RERE: variants seen among roughly 807,000 people sequenced by gnomAD.
The protein encoded by RERE is arginine-glutamic acid dipeptide repeats.
In RERE, 40 loss-of-function variants were observed where a neutral mutation model predicts 146.1. The observed-to-expected ratio is 0.27, with a 90% confidence interval of 0.21 to 0.36. The LOEUF (loss-of-function observed/expected upper bound fraction) is 0.36. Among genes scored for constraint, RERE ranks in the 10% least tolerant of loss-of-function variants. The pLI, the probability that RERE is intolerant of heterozygous loss-of-function variation, is 1.00. For missense variants in RERE, 1,933 were observed against 2,138.7 expected (o/e 0.90, Z 1.90); for synonymous variants, 1,003 against 866.0 (o/e 1.16, Z -2.78).
intron 4 of RERE, among the ~76,000 whole-genome samples, chr1:8,614,157 A>G (rs1200174797): frequency 1.3e-5 from 2 of 152,184 alleles, no homozygotes; most frequent in Non-Finnish European, 2.9e-5. Context: ...CCGAGAGGAC[A>G]ACACCCAAAA....
At chr1:8,462,286 T>G (rs1024045543) in intron 11 of RERE, among the ~76,000 whole-genome samples, 9 of 152,238 alleles carry the variant, frequency 5.9e-5, no homozygotes, top group Admixed American at 2.0e-4. Context: ...CATTAAGTCC[T>G]TACCCTTAAT....
intron 4 of RERE, among the ~76,000 whole-genome samples, chr1:8,590,622 C>T (rs1646480958): frequency 6.6e-6 from 1 of 152,202 alleles, no homozygotes; most frequent in African/African-American, 2.4e-5. Context: ...ACCTATGCTG[C>T]TGGAAATAGT....
chr1:8,413,400 C>T (rs1643667747), intron 12 of RERE, among the ~76,000 whole-genome samples: 1 of 152,120 alleles, frequency 6.6e-6, no homozygotes, highest in Non-Finnish European at 1.5e-5. Context: ...TGGAGCATAG[C>T]AGCGTGATCT....
At chr1:8,659,465 G>A (rs1206397202) in intron 1 of RERE, among the ~76,000 whole-genome samples, 2 of 152,366 alleles carry the variant, frequency 1.3e-5, no homozygotes, top group Non-Finnish European at 2.9e-5. Flanking sequence ...GCTGAGGCAG[G>A]AGAATCGTAT....
chr1:8,356,338 C>T lies in RERE; in HGVS notation c.4340-92G>A. 2 of 1,339,940 alleles carry T rather than the reference C, an allele frequency of 1.5e-6. No individual in the cohort carries two copies. Among genetic ancestry groups the T allele is most frequent in the Non-Finnish European group, 1.9e-6 (2 of 1,033,448 alleles). The allele number at this position is 1,339,940 out of a possible 1,614,324, so 83.0% of individuals were successfully genotyped here. A position where few individuals can be genotyped will look rare whatever the true frequency, so the allele number is the denominator to read the frequency against. On this transcript the variant is annotated intron_variant, in intron 20 of 22. Coordinates refer to ENST00000400908, the MANE Select transcript of RERE (RefSeq NM_001042681.2). This position sits in a 1 kb window ranked among gnomAD's most constrained non-coding sequence, Gnocchi z 5.2. ...GGAATGACCGATGACTTCCTCCTCACCCAGGATGGCTCCTGGTCACCAGGG... is the reference window on the plus strand; with the variant it reads ...GGAATGACCGATGACTTCCTCCTCATCCAGGATGGCTCCTGGTCACCAGGG...
intron 1 of RERE, among the ~76,000 whole-genome samples, chr1:8,669,599 C>T (rs960094678): frequency 6.6e-6 from 1 of 152,152 alleles, no homozygotes; most frequent in Admixed American, 6.5e-5. Flanking sequence ...CTGAGAAAAA[C>T]CACCTTTTAA....
intron 1 of RERE, among the ~76,000 whole-genome samples, chr1:8,791,207 T>A (rs1207008548): frequency 6.6e-6 from 1 of 152,172 alleles, no homozygotes; most frequent in Non-Finnish European, 1.5e-5. Flanking sequence ...CTGAAGGTGG[T>A]CTGCCAAGAT....
At chr1:8,659,348 G>C (rs1638403450) in intron 1 of RERE, among the ~76,000 whole-genome samples, 1 of 152,266 alleles carries the variant, frequency 6.6e-6, no homozygotes, top group Admixed American at 6.5e-5. Flanking sequence ...CCTGAGGTCA[G>C]GCGTTCGAAG....
intron 4 of RERE, among the ~76,000 whole-genome samples, chr1:8,565,666 G>A (rs111361391): frequency 0.01 from 1,523 of 152,284 alleles, 25 homozygotes; most frequent in African/African-American, 0.035. Flanking sequence ...AGCGGAGATC[G>A]TGCCACTGCA....
At chr1:8,698,613 T>C (rs1639383762) in intron 1 of RERE, among the ~76,000 whole-genome samples, 1 of 152,222 alleles carries the variant, frequency 6.6e-6, no homozygotes, top group African/African-American at 2.4e-5. Context: ...ATCTAATTGT[T>C]CAGCTTTAGA....
intron 1 of RERE, among the ~76,000 whole-genome samples, chr1:8,715,235 G>A (rs185531429): frequency 1.3e-5 from 2 of 151,902 alleles, no homozygotes; most frequent in African/African-American, 4.8e-5. Flanking sequence ...CATTCGGCTG[G>A]GTGCGGTGGC....
intron 1 of RERE, among the ~76,000 whole-genome samples, chr1:8,683,031 C>CAAA (rs71580039): frequency 0.081 from 5,324 of 65,612 alleles, 470 homozygotes; most frequent in Non-Finnish European, 0.11. Flanking sequence ...CTGTCTTTAC[C>CAAA]AAAAAAAAAA....
At chr1:8,744,897 C>T (rs1446938634) in intron 1 of RERE, among the ~76,000 whole-genome samples, 2 of 152,114 alleles carry the variant, frequency 1.3e-5, no homozygotes, top group Non-Finnish European at 2.9e-5. Flanking sequence ...CCCAAGAAAA[C>T]AAAAATCACA....
intron 1 of RERE, among the ~76,000 whole-genome samples, chr1:8,706,039 C>T (rs1378846448): frequency 1.4e-5 from 2 of 143,454 alleles, no homozygotes; most frequent in East Asian, 2.1e-4. Flanking sequence ...TGGTGTGAAC[C>T]CAGGAGGTGG....
chr1:8,360,479 T>C lies in RERE; in HGVS notation c.3028A>G (p.Ser1010Gly). The change falls in exon 18 of 23, where the codon AGC (serine) becomes GGC (glycine). Residue 1010 changes from serine to glycine, a missense_variant. Transcript: ENST00000400908. ...SPAQPPGLTQ[S>G]QNLPPPPASH... ...GCAGGGGGCGGGGGCAGGTTCTGGC[T>C]CTGGGTCAGCCCGGGGGGCTGGGCG... is the stretch of plus-strand genomic sequence containing the variant. The C allele has an allele frequency of 1.6e-6, 2 of 1,221,224 alleles. No individual in the cohort carries two copies. The highest frequency in any genetic ancestry group is 2.1e-6 in the Non-Finnish European group (2 of 938,996). The allele number at this position is 1,221,224 out of a possible 1,614,324, so 75.6% of individuals were successfully genotyped here. A position where few individuals can be genotyped will look rare whatever the true frequency, so the allele number is the denominator to read the frequency against.
intron 7 of RERE, among the ~76,000 whole-genome samples, chr1:8,517,389 A>G (rs1645434425): frequency 1.3e-5 from 2 of 152,130 alleles, no homozygotes; most frequent in African/African-American, 4.8e-5. Flanking sequence ...TGACATATTT[A>G]TTTTTTCCTT....
At chr1:8,366,898 A>G (rs1641821177) in intron 12 of RERE, among the ~76,000 whole-genome samples, 1 of 146,648 alleles carries the variant, frequency 6.8e-6, no homozygotes, top group African/African-American at 2.5e-5. Flanking sequence ...CTCTTTACCT[A>G]GAACTGAAAA....
At chr1:8,369,388 C>G (rs1343988795) in intron 12 of RERE, among the ~76,000 whole-genome samples, 4 of 151,908 alleles carry the variant, frequency 2.6e-5, no homozygotes, top group African/African-American at 9.7e-5. Context: ...TCAACATCAA[C>G]TTTTTGTTGA....
At chr1:8,740,745 C>G (rs1640290803) in intron 1 of RERE, among the ~76,000 whole-genome samples, 1 of 152,162 alleles carries the variant, frequency 6.6e-6, no homozygotes, top group Non-Finnish European at 1.5e-5. Flanking sequence ...ATCATCACTG[C>G]TGCTCTTGCA....
Sources: allele counts gnomAD v4.1 joint callset (sites outside exome capture counted in the v4.1 genomes callset), GRCh38; gene constraint gnomAD v4.1.1; non-coding constraint Gnocchi (gnomAD v3.1); transcripts MANE v1.5; gene names NCBI Gene and HGNC (gene_info 2026-07-23, HGNC 2026-07-21).